XYLB: variants seen among roughly 807,000 people sequenced by gnomAD.
XYLB encodes the protein xylulose kinase.
In XYLB, 62 loss-of-function variants were observed where a neutral mutation model predicts 78.7. The ratio of observed to expected loss-of-function variants is 0.79; its 90% CI spans 0.64 to 0.97. XYLB has a LOEUF of 0.97. XYLB is among the 50% of genes least tolerant of loss of function. XYLB has a pLI of 0.00. For missense variants in XYLB, 687 were observed against 676.8 expected (o/e 1.02, Z -0.17); for synonymous variants, 245 against 247.4 (o/e 0.99, Z 0.09).
chr3:38,397,273 T>C, intron 17 of XYLB, 114 bp downstream of exon 17: 1 of 965,874 alleles, frequency 1.0e-6, no homozygotes. Flanking sequence ...CATTGGAGTC[T>C]TGGGGACTTC....
At chr3:38,348,745 T>C (rs942317118) in intron 2 of XYLB, 113 bp downstream of exon 2, 2 of 921,892 alleles carry the variant, frequency 2.2e-6, no homozygotes, top group Non-Finnish European at 3.5e-6. Context: ...ACAGGAGTGG[T>C]GGTCTCGGCA....
chr3:38,432,124 T>TG, the XYLB span, among the ~76,000 whole-genome samples: 1 of 2,240 alleles, frequency 4.5e-4, no homozygotes, highest in Non-Finnish European at 1.2e-3. Flanking sequence ...CTCCCAAATC[T>TG]CTGTCCTCAC....
the XYLB span, among the ~76,000 whole-genome samples, chr3:38,428,838 C>T: frequency 6.6e-6 from 1 of 152,166 alleles, no homozygotes; most frequent in African/African-American, 2.4e-5. Context: ...TCCCCTTTAA[C>T]TGCCTTCTTT....
downstream of XYLB, among the ~76,000 whole-genome samples, chr3:38,419,596 ATATATAT>A (rs879373603): frequency 4.4e-3 from 536 of 122,002 alleles, 92 homozygotes; most frequent in Admixed American, 0.042. Flanking sequence ...ATATATATAT[ATATATAT>A]AATAGCCATC....
chr3:38,422,496 C>T (rs1290315226), downstream of XYLB, among the ~76,000 whole-genome samples: 4 of 152,114 alleles, frequency 2.6e-5, no homozygotes, highest in East Asian at 1.9e-4. Flanking sequence ...GATACAGGAG[C>T]GGACGTTTCA....
At chr3:38,347,334 A>G (rs112665255) in intron 1 of XYLB, among the ~76,000 whole-genome samples, 1 of 152,314 alleles carries the variant, frequency 6.6e-6, no homozygotes, top group East Asian at 1.9e-4. Flanking sequence ...CCCTGCGCAC[A>G]TGCACAACCA....
intron 18 of XYLB, among the ~76,000 whole-genome samples, chr3:38,410,133 A>G (rs1708510949): frequency 6.6e-6 from 1 of 152,356 alleles, no homozygotes; most frequent in Non-Finnish European, 1.5e-5. Flanking sequence ...ACTTCAAACT[A>G]TACTACAAGG....
At chr3:38,352,031 C>T (rs1292406229) in intron 2 of XYLB, among the ~76,000 whole-genome samples, 1 of 152,132 alleles carries the variant, frequency 6.6e-6, no homozygotes, top group African/African-American at 2.4e-5. Context: ...TTGGAAATGA[C>T]ATACCAGGAG....
At chr3:38,387,292 G>T (rs1707423097) in intron 15 of XYLB, among the ~76,000 whole-genome samples, 1 of 149,374 alleles carries the variant, frequency 6.7e-6, no homozygotes, top group African/African-American at 2.5e-5. Flanking sequence ...TTGTCCCATA[G>T]GACTTTGATT....
chr3:38,439,442 T>A, the XYLB span, among the ~76,000 whole-genome samples: 1 of 152,176 alleles, frequency 6.6e-6, no homozygotes. Flanking sequence ...AGAAGCCACG[T>A]CACCCAACTC....
the XYLB span, among the ~76,000 whole-genome samples, chr3:38,439,851 G>A: frequency 1.3e-5 from 2 of 152,148 alleles, no homozygotes; most frequent in Non-Finnish European, 2.9e-5. Flanking sequence ...ATCGCTGACC[G>A]GTTAGTGTAA....
At chr3:38,399,739 T>C (rs1397267162) in intron 17 of XYLB, among the ~76,000 whole-genome samples, 2 of 152,190 alleles carry the variant, frequency 1.3e-5, no homozygotes, top group Non-Finnish European at 2.9e-5. Flanking sequence ...CTTTCTGTGC[T>C]TGCCAAAGGG....
At chr3:38,418,906 T>C, downstream of XYLB, among the ~76,000 whole-genome samples, 1 of 152,228 alleles carries the variant, frequency 6.6e-6, no homozygotes, top group Non-Finnish European at 1.5e-5. Flanking sequence ...CCATGGTATG[T>C]TGAATTATTC....
chr3:38,357,481 G>A (rs1408679959), intron 2 of XYLB, among the ~76,000 whole-genome samples: 1 of 151,874 alleles, frequency 6.6e-6, no homozygotes, highest in Non-Finnish European at 1.5e-5. Flanking sequence ...CCACCTCCTG[G>A]GTTCATGCCA....
intron 2 of XYLB, 120 bp from the exon 3 acceptor site, chr3:38,360,219 T>C: frequency 2.2e-6 from 2 of 920,994 alleles, no homozygotes; most frequent in Non-Finnish European, 3.6e-6. Flanking sequence ...CCACTTGGGG[T>C]TGGGGAAGGT....
chr3:38,420,727 T>C (rs1575558379), downstream of XYLB, among the ~76,000 whole-genome samples: 1 of 31,704 alleles, frequency 3.2e-5, no homozygotes, highest in East Asian at 1.4e-3. Context: ...AATATCCCCC[T>C]TTTTTTTTGG....
Position 38,360,489 on chromosome 3 carries a change from G to T in XYLB, c.210+81G>T, listed in dbSNP as rs1021251671. 20 of 1,330,140 alleles carry T rather than the reference G, an allele frequency of 1.5e-5. No homozygotes were observed. In the African/African-American group the frequency reaches 2.4e-4, roughly 16 times the overall value. The allele number at this position is 1,330,140 out of a possible 1,614,324, so 82.4% of individuals were successfully genotyped here. A position where few individuals can be genotyped will look rare whatever the true frequency, so the allele number is the denominator to read the frequency against. ...TCGGTGATTTGCTAGGAAGTCCAAA[G>T]GTGGCAGCCAATGAGAGCATCTGTT... On this transcript the variant is annotated intron_variant, in intron 3 of 18. Transcript: ENST00000207870.
chr3:38,346,796 C>T lies in XYLB; in HGVS notation c.-73C>T. The T allele has an allele frequency of 7.0e-7, 1 of 1,422,092 alleles. No individual in the cohort carries two copies. The allele number at this position is 1,422,092 out of a possible 1,614,324, so 88.1% of individuals were successfully genotyped here. ...GGGCGGGCCCCTGCGTCTCTGGGCG[C>T]TGGAGCGCGGCGACTATCACGCCGC... On this transcript the variant is annotated 5_prime_UTR_variant, in exon 1 of 19. Coordinates refer to ENST00000207870, the MANE Select transcript of XYLB (RefSeq NM_005108.4).
intron 2 of XYLB, among the ~76,000 whole-genome samples, chr3:38,349,394 A>G (rs1301194358): frequency 6.6e-6 from 1 of 152,170 alleles, no homozygotes; most frequent in Non-Finnish European, 1.5e-5. Flanking sequence ...GACAGGTTGT[A>G]TTTTTGTTTT....
Sources: allele counts gnomAD v4.1 joint callset (sites outside exome capture counted in the v4.1 genomes callset), GRCh38; gene constraint gnomAD v4.1.1; transcripts MANE v1.5; gene names NCBI Gene and HGNC (gene_info 2026-07-23, HGNC 2026-07-21).